The following WDR59 variants were observed in gnomAD, a reference collection of about 807,000 sequenced individuals.
WDR59 encodes GATOR2 complex protein WDR59.
WDR59 carries 100 observed loss-of-function variants against 131.2 expected under a neutral mutation model. The ratio of observed to expected loss-of-function variants is 0.76; its 90% CI spans 0.65 to 0.90. The LOEUF is 0.90. Among genes scored for constraint, WDR59 ranks in the 40% least tolerant of loss-of-function variants. The pLI, the probability that WDR59 is intolerant of heterozygous loss-of-function variation, is 0.00. For missense variants in WDR59, 1,203 were observed against 1,262.2 expected, an observed-to-expected ratio of 0.95 and a Z score of 0.71; for synonymous variants, 601 against 466.2, an observed-to-expected ratio of 1.29 and a Z score of -3.72.
intron 2 of WDR59, among the ~76,000 whole-genome samples, chr16:74,961,352 G>C (rs1446103488): frequency 6.6e-6 from 1 of 152,080 alleles, no homozygotes; most frequent in Admixed American, 6.6e-5. Context: ...GAAAGTTCTA[G>C]GTCTTTCAAG....
intron 6 of WDR59, among the ~76,000 whole-genome samples, chr16:74,947,428 T>C (rs2032717635): frequency 6.6e-6 from 1 of 152,170 alleles, no homozygotes; most frequent in South Asian, 2.1e-4. Flanking sequence ...TGTAATCTAA[T>C]TGTGGAGAAA....
intron 9 of WDR59, among the ~76,000 whole-genome samples, chr16:74,923,081 A>G (rs1222008229): frequency 6.6e-6 from 1 of 152,250 alleles, no homozygotes; most frequent in Non-Finnish European, 1.5e-5. Flanking sequence ...GCACATTCAT[A>G]TAAGTTATTT....
rs560686889 is a variant in WDR59 at position 74,938,084 on chromosome 16, T to G, written c.651+66A>C. 68 of 1,131,628 alleles carry G rather than the reference T, an allele frequency of 6.0e-5. No individual in the cohort carries two copies. In the African/African-American group the frequency reaches 1.0e-3, roughly 17 times the overall value. 70.1% of individuals were successfully genotyped at this position (1,131,628 alleles called of 1,614,324 possible). On this transcript the variant is annotated intron_variant, in intron 8 of 25. Transcript: ENST00000262144. ...ACACACTGCAGCTTTCCAACCAAGG[T>G]GGAATCATACATCCCTGATGCCACC...
Position 74,872,936 on chromosome 16 carries a change from TCTCA to T in WDR59, c.*1269_*1272del, listed in dbSNP as rs1428934426. On this transcript the variant is annotated 3_prime_UTR_variant, in exon 26 of 26. Coordinates refer to ENST00000262144, the MANE Select transcript of WDR59 (RefSeq NM_030581.4). ...TTTTTTTTCTTTTTTTGAGACAGAG[TCTCA>T]CTCTTGTCACCCAGGCTGGAGTGCA... The T allele has an allele frequency of 3.3e-5, 5 of 150,586 alleles. No individual in the cohort carries two copies. Among genetic ancestry groups the T allele is most frequent in the African/African-American group, 4.9e-5 (2 of 40,788 alleles). 9.3% of individuals were successfully genotyped at this position (150,586 alleles called of 1,614,324 possible).
chr16:74,890,818 C>G (rs76246633), intron 20 of WDR59, among the ~76,000 whole-genome samples: 2,038 of 152,174 alleles, frequency 0.013, 23 homozygotes, highest in Middle Eastern at 0.024. Context: ...CCCTCAATAC[C>G]TTTAAAAATC....
intron 8 of WDR59, among the ~76,000 whole-genome samples, chr16:74,933,362 T>A (rs2031554907): frequency 6.6e-6 from 1 of 152,198 alleles, no homozygotes; most frequent in Non-Finnish European, 1.5e-5. Context: ...GCAACTGATC[T>A]CTGAGCACAT....
At chr16:74,971,883 A>T (rs2033997961) in intron 1 of WDR59, among the ~76,000 whole-genome samples, 1 of 151,996 alleles carries the variant, frequency 6.6e-6, no homozygotes, top group South Asian at 2.1e-4. Flanking sequence ...TAATTTTAAA[A>T]TTTTGTGTAG....
Position 74,985,071 on chromosome 16 carries a change from C to G in WDR59, c.-54G>C, listed in dbSNP as rs917031366. ...GACGGCGCCCTCCCACCCCGCCGTC[C>G]CCAGTATCCCGGGACCGTGCGCCCC... On this transcript the variant is annotated 5_prime_UTR_variant, in exon 1 of 26. Coordinates refer to ENST00000262144, the MANE Select transcript of WDR59 (RefSeq NM_030581.4). The G allele has an allele frequency of 1.6e-5, 24 of 1,514,770 alleles. 1 individual carries two copies. In the South Asian group the frequency reaches 2.3e-4, roughly 14 times the overall value. 93.8% of individuals were successfully genotyped at this position (1,514,770 alleles called of 1,614,324 possible). A position where few individuals can be genotyped will look rare whatever the true frequency, so the allele number is the denominator to read the frequency against.
rs756465838 is a variant in WDR59 at position 74,923,923 on chromosome 16, C to T, written c.729+3G>A. 70 of 1,613,022 alleles carry T rather than the reference C, an allele frequency of 4.3e-5. No homozygotes were observed. Among genetic ancestry groups the T allele is most frequent in the African/African-American group, 6.7e-5 (5 of 74,872 alleles). ...TTATCAAGAGGCAGGGTGGCTCACT[C>T]ACTGTGTATCTGGCCTTCCAGACAG... On this transcript the variant is annotated splice_donor_region_variant and intron_variant, in intron 9 of 25. Transcript: ENST00000262144.
intron 7 of WDR59, among the ~76,000 whole-genome samples, chr16:74,939,519 C>T (rs1282846720): frequency 3.3e-5 from 5 of 151,130 alleles, no homozygotes; most frequent in South Asian, 2.1e-4. Context: ...TACACAACTA[C>T]GTACACAGTA....
chr16:74,908,924 T>C lies in WDR59; in HGVS notation c.1696A>G (p.Thr566Ala), dbSNP rs372395565. The change falls in exon 17 of 26, where the codon ACA (threonine) becomes GCA (alanine). Residue 566 changes from threonine to alanine, a missense_variant. Transcript: ENST00000262144. The stretch of plus-strand genomic sequence containing the variant: ...CTGACTCACCTCGGAGTAGGCTCTG[T>C]GGGAGACACCGCCCGATGCATTGTC... ...PMTMHRAVSP[T>A]EPTPRSLSAL... 3.1e-6 allele frequency: 5 copies of C among 1,613,996 alleles called. No homozygotes were observed. The African/African-American group carries it at 4.0e-5, about 13-fold the overall frequency.
Position 74,889,805 on chromosome 16 carries a change from A to T in WDR59, c.2093T>A (p.Leu698Gln). ...GCAAAGATCTGTAGCTACCGTAGCC[A>T]GCGACCAAACCTGGACAGATCAAAG... is the stretch of plus-strand genomic sequence containing the variant. ...GRKDLVQVWS[L>Q]ATVATDLCLG... Residue 698 changes from leucine (L) to glutamine (Q), a missense_variant, in exon 21 of 26, where the codon CTG becomes CAG. Coordinates refer to ENST00000262144, the MANE Select transcript of WDR59 (RefSeq NM_030581.4). 10 of 1,614,042 alleles carry T rather than the reference A, an allele frequency of 6.2e-6. No homozygotes were observed. The highest frequency in any genetic ancestry group is 8.5e-6 in the Non-Finnish European group (10 of 1,179,932).
chr16:74,974,776 C>G (rs1249994349), intron 1 of WDR59, among the ~76,000 whole-genome samples: 2 of 152,174 alleles, frequency 1.3e-5, no homozygotes, highest in African/African-American at 4.8e-5. Flanking sequence ...TACTGAGTCC[C>G]TAATGAACTT....
In WDR59 at chr16:74,941,283, G is replaced by A. The variant is rs528697982; in HGVS notation, c.534+1455C>T. Among the ~76,000 whole-genome samples, 3 of 150,304 alleles carry A rather than the reference G, an allele frequency of 2.0e-5. No homozygotes were observed. In the South Asian group the frequency reaches 6.3e-4, roughly 32 times the overall value. On this transcript the variant is annotated intron_variant, in intron 7 of 25. Transcript: ENST00000262144. Reference sequence around the variant, plus strand: ...TTGAGCCCAAGAGGTCGAGGCTGCAGTGAGCCATAGTTACACTACTACACT... The same window carrying A: ...TTGAGCCCAAGAGGTCGAGGCTGCAATGAGCCATAGTTACACTACTACACT...
intron 2 of WDR59, chr16:74,959,653 G>C (rs892533497): frequency 2.0e-5 from 8 of 390,840 alleles, no homozygotes; most frequent in African/African-American, 1.3e-4. Flanking sequence ...GTGGTGACAT[G>C]TGCCTGTACT....
intron 1 of WDR59, among the ~76,000 whole-genome samples, chr16:74,966,640 G>A (rs991902865): frequency 2.0e-5 from 3 of 152,034 alleles, no homozygotes; most frequent in South Asian, 2.1e-4. Flanking sequence ...CAAGACACCC[G>A]TGACTTTCCA....
At chr16:74,908,788 T>G in intron 17 of WDR59, 120 bp downstream of exon 17, 2 of 677,410 alleles carry the variant, frequency 3.0e-6, no homozygotes, top group Non-Finnish European at 5.0e-6. Context: ...AATCTTATAA[T>G]GGGAGTTTAC....
intron 18 of WDR59, among the ~76,000 whole-genome samples, chr16:74,899,429 C>A (rs888367211): frequency 6.6e-6 from 1 of 152,178 alleles, no homozygotes; most frequent in Non-Finnish European, 1.5e-5. Flanking sequence ...AATCAGGGTT[C>A]TTTCCAAGAA....
intron 1 of WDR59, among the ~76,000 whole-genome samples, chr16:74,970,484 G>C (rs1230497104): frequency 9.8e-4 from 88 of 89,892 alleles, no homozygotes; most frequent in African/African-American, 3.1e-3. Flanking sequence ...GACAGAGAGA[G>C]ACTCTGTCTC....
Sources: allele counts gnomAD v4.1 joint callset (sites outside exome capture counted in the v4.1 genomes callset), GRCh38; gene constraint gnomAD v4.1.1; transcripts MANE v1.5; gene names NCBI Gene and HGNC (gene_info 2026-07-23, HGNC 2026-07-21).